The following TMC5 variants were observed in gnomAD, a reference collection of about 807,000 sequenced individuals.
TMC5 encodes transmembrane channel-like protein 5.
A neutral mutation model predicts 110.5 loss-of-function variants in TMC5; 86 were observed. The observed-to-expected ratio is 0.78, with a 90% CI of 0.65 to 0.93. The LOEUF (loss-of-function observed/expected upper bound fraction) is 0.93. TMC5 is among the 40% of genes least tolerant of loss of function. The pLI is 0.00. For missense variants in TMC5, 1,144 were observed against 1,222.8 expected (o/e 0.94, Z 0.96); for synonymous variants, 455 against 439.5 (o/e 1.04, Z -0.44).
rs73542128 is a variant in TMC5 at position 19,487,262 on chromosome 16, A to T, written c.2509A>T (p.Ile837Phe). 2.1e-5 allele frequency: 34 copies of T among 1,614,114 alleles called. No homozygotes were observed. Among genetic ancestry groups the T allele is most frequent in the Middle Eastern group, 3.3e-4 (2 of 6,062 alleles). The stretch of plus-strand genomic sequence containing the variant: ...GGCCTCACAGATGATGACTTTCTTC[A>T]TCTTCTTGCTCTTTTTCCCATCCTT... ...WRASQMMTFF[I>F]FLLFFPSFTG... Residue 837 changes from isoleucine to phenylalanine, a missense_variant, in exon 17 of 22, where the codon ATC becomes TTC. Transcript: ENST00000542583.
At chr16:19,443,834 T>A (rs541837323) in intron 3 of TMC5, among the ~76,000 whole-genome samples, 1 of 151,904 alleles carries the variant, frequency 6.6e-6, no homozygotes, top group African/African-American at 2.4e-5. Context: ...AATGGATGGG[T>A]ACATGGATGG....
intron 5 of TMC5, among the ~76,000 whole-genome samples, chr16:19,450,519 G>A (rs1476520756): frequency 6.6e-6 from 1 of 152,094 alleles, no homozygotes; most frequent in East Asian, 1.9e-4. Flanking sequence ...GGTATGTCCT[G>A]GATCCTCAGC....
Position 19,449,630 on chromosome 16 carries a change from A to C in TMC5, c.1047A>C (p.Gln349His), listed in dbSNP as rs537235570. Residue 349 changes from glutamine (Q) to histidine (H), a missense_variant and splice_region_variant, in exon 5 of 22, where the codon CAA becomes CAC. Transcript: ENST00000542583. ...LSECDWHKSP[Q>H]GQKLIASLIP... is the part of the protein sequence containing the mutation. The stretch of plus-strand genomic sequence containing the variant: ...AATGTGATTGGCACAAGTCACCCCA[A>C]GGTAAGTGATATGGTTTGGCTCTGT... The C allele has an allele frequency of 1.1e-5, 18 of 1,613,996 alleles. No homozygotes were observed. In the East Asian group the frequency reaches 4.0e-4, roughly 36 times the overall value.
intron 4 of TMC5, among the ~76,000 whole-genome samples, chr16:19,448,962 T>C (rs1360591330): frequency 1.3e-5 from 2 of 150,174 alleles, no homozygotes; most frequent in Non-Finnish European, 3.0e-5. Flanking sequence ...CCTGGGTTCA[T>C]GCCATTCTGC....
chr16:19,492,836 G>A (rs78902873), intron 19 of TMC5, among the ~76,000 whole-genome samples: 6,374 of 149,004 alleles, frequency 0.043, 248 homozygotes, highest in East Asian at 0.17. Flanking sequence ...ATTACAGGCA[G>A]GTGCCACTCC....
Position 19,474,193 on chromosome 16 carries a change from G to T in TMC5, c.2007G>T (p.Leu669=). The stretch of plus-strand genomic sequence containing the variant: ...CTTTCGTTGTGTCCTGCATTAATCT[G>T]GCCGTGCCATGCATCTACTCCATGT... The part of the protein sequence containing the change: ...LLPFVVSCIN[L]AVPCIYSMFR... The change falls in exon 12 of 22, where the codon CTG becomes CTT. Residue 669 remains leucine, a synonymous_variant. Coordinates refer to ENST00000542583, the MANE Select transcript of TMC5 (RefSeq NM_001261841.2). 1 of 1,614,038 alleles carries T rather than the reference G, an allele frequency of 6.2e-7. No homozygotes were observed. Among genetic ancestry groups the T allele is most frequent in the Non-Finnish European group, 8.5e-7 (1 of 1,180,010 alleles).
At chr16:19,447,085 TAACA>T (rs1967631305) in intron 4 of TMC5, among the ~76,000 whole-genome samples, 1 of 152,184 alleles carries the variant, frequency 6.6e-6, no homozygotes, top group Admixed American at 6.5e-5. Flanking sequence ...GAATGCTGCA[TAACA>T]AACAACTCCA....
intron 5 of TMC5, among the ~76,000 whole-genome samples, chr16:19,454,574 C>T (rs1967822191): frequency 1.3e-5 from 2 of 152,116 alleles, no homozygotes; most frequent in African/African-American, 4.8e-5. Flanking sequence ...AAGTACTTGG[C>T]CTGCAGTAAT....
At chr16:19,438,409 G>GGAAAAGAAA in intron 2 of TMC5, among the ~76,000 whole-genome samples, 1 of 50,148 alleles carries the variant, frequency 2.0e-5, no homozygotes, top group African/African-American at 7.3e-5. Flanking sequence ...AAAAAAAAAA[G>GGAAAAGAAA]AAGAAAGAAA....
At chr16:19,453,113 A>G (rs1390636110) in intron 5 of TMC5, among the ~76,000 whole-genome samples, 5 of 151,960 alleles carry the variant, frequency 3.3e-5, no homozygotes. Flanking sequence ...GGCTGTCTTC[A>G]TCATTTTGCT....
chr16:19,440,636 G>A lies in TMC5; in HGVS notation c.598G>A (p.Asp200Asn), dbSNP rs746148670. ...AAGTTTTAGAATCAATCCATACGCA[G>A]ACTCTCTGGGAAAGCCTGATTATCC... ...HTSFRINPYA[D>N]SLGKPDYPGA... The change falls in exon 3 of 22, where the codon GAC (aspartate) becomes AAC (asparagine). Residue 200 changes from aspartate (D) to asparagine (N), a missense_variant. By Grantham distance (23) the Asp-to-Asn change is conservative. Coordinates refer to ENST00000542583, the MANE Select transcript of TMC5 (RefSeq NM_001261841.2). 9 of 1,614,180 alleles carry A rather than the reference G, an allele frequency of 5.6e-6. No individual in the cohort carries two copies. Among genetic ancestry groups the A allele is most frequent in the Non-Finnish European group, 7.6e-6 (9 of 1,180,036 alleles).
intron 3 of TMC5, 50 bp downstream of exon 3, chr16:19,440,876 A>G (rs1273677234): frequency 6.5e-7 from 1 of 1,548,884 alleles, no homozygotes; most frequent in South Asian, 1.2e-5. Flanking sequence ...TGAGTGCTGA[A>G]TCATTAAGTC....
chr16:19,480,492 C>A (rs1007656570), intron 14 of TMC5, among the ~76,000 whole-genome samples: 1 of 151,966 alleles, frequency 6.6e-6, no homozygotes, highest in Non-Finnish European at 1.5e-5. Context: ...TAGCCTCTGT[C>A]GAGGGCCTGG....
chr16:19,469,945 A>C, intron 10 of TMC5, 120 bp downstream of exon 10: 1 of 1,148,598 alleles, frequency 8.7e-7, no homozygotes, highest in Non-Finnish European at 1.2e-6. Flanking sequence ...CCCAGGCTGG[A>C]GTGCAGTGGC....
chr16:19,464,121 TG>T (rs1286658036), intron 8 of TMC5, 97 bp downstream of exon 8: 3 of 1,400,026 alleles, frequency 2.1e-6, no homozygotes, highest in South Asian at 2.7e-5. Context: ...TCATTTTGCC[TG>T]GGGGTCAACT....
chr16:19,436,216 C>T (rs902220507), intron 2 of TMC5, among the ~76,000 whole-genome samples: 2 of 134,136 alleles, frequency 1.5e-5, no homozygotes, highest in Non-Finnish European at 1.5e-5. Flanking sequence ...TGTGGTGAGC[C>T]AAGATGGCGT....
chr16:19,454,068 G>A (rs188621169), intron 5 of TMC5, among the ~76,000 whole-genome samples: 118 of 152,068 alleles, frequency 7.8e-4, no homozygotes, highest in Non-Finnish European at 1.4e-3. Flanking sequence ...TTGTTTTTGA[G>A]GCAGAGTTTC....
chr16:19,489,692 C>T (rs1419461018), intron 17 of TMC5, among the ~76,000 whole-genome samples: 1 of 146,696 alleles, frequency 6.8e-6, no homozygotes, highest in African/African-American at 2.5e-5. Context: ...GCTATGTTGC[C>T]TAGGCTGGTC....
Position 19,475,453 on chromosome 16 carries a change from T to A in TMC5, c.2090+1177T>A, listed in dbSNP as rs1319902504. Among the ~76,000 whole-genome samples, 3 of 151,160 alleles carry A rather than the reference T, an allele frequency of 2.0e-5. No individual in the cohort carries two copies. The East Asian group carries it at 5.8e-4, about 29-fold the overall frequency. ...AAAAAAAAAGTGTAGGTCTGTACAA[T>A]GCAGACTGAGTTTCTTTGCTGATCA... is the stretch of plus-strand genomic sequence containing the variant. On this transcript the variant is annotated intron_variant, in intron 12 of 21. Transcript: ENST00000542583.
Sources: gnomAD v4.1 joint callset for allele counts (sites outside exome capture counted in the v4.1 genomes callset) on GRCh38, gnomAD v4.1.1 for gene constraint, MANE v1.5 for transcripts, NCBI Gene and HGNC (gene_info 2026-07-23, HGNC 2026-07-21) for gene names.